The following TBXAS1 variants were observed in gnomAD, a reference collection of about 807,000 sequenced individuals.
The protein encoded by TBXAS1 is thromboxane-A synthase.
In TBXAS1, 48 loss-of-function variants were observed where a neutral mutation model predicts 60.7. The observed-to-expected ratio is 0.79, with a 90% confidence interval of 0.63 to 1.01. The LOEUF (loss-of-function observed/expected upper bound fraction) is 1.01, where lower values mean the gene tolerates loss of function less well. Among genes scored for constraint, TBXAS1 ranks in the 50% least tolerant of loss-of-function variants. The pLI, the probability that TBXAS1 is intolerant of heterozygous loss-of-function variation, is 0.00. For synonymous variants in TBXAS1, 287 were observed against 269.7 expected (o/e 1.06, Z -0.63); for missense variants, 685 against 686.3 (o/e 1.00, Z 0.02).
intron 1 of TBXAS1, among the ~76,000 whole-genome samples, chr7:139,833,874 A>G (rs1798887272): frequency 6.6e-6 from 1 of 152,232 alleles, no homozygotes; most frequent in Non-Finnish European, 1.5e-5. Context: ...AGATTTCAAT[A>G]TTCCACCGAC....
intron 9 of TBXAS1, among the ~76,000 whole-genome samples, chr7:139,982,692 C>T (rs762461781): frequency 5.3e-5 from 8 of 152,178 alleles, no homozygotes; most frequent in Non-Finnish European, 1.2e-4. Context: ...CCACTCTTAA[C>T]CCCCTAAATT....
chr7:139,952,696 A>T (rs1569518566), intron 5 of TBXAS1: 1 of 1,513,498 alleles, frequency 6.6e-7, no homozygotes, highest in East Asian at 2.5e-5. Flanking sequence ...TGTGTAAGTT[A>T]GGAATTTTCT....
chr7:139,886,427 A>G (rs1803116739), intron 3 of TBXAS1, among the ~76,000 whole-genome samples: 1 of 138,346 alleles, frequency 7.2e-6, no homozygotes, highest in Non-Finnish European at 1.5e-5. Flanking sequence ...CGGCTTAAAG[A>G]GGAACCTATT....
chr7:139,978,160 T>C (rs1811693698), intron 9 of TBXAS1, among the ~76,000 whole-genome samples: 1 of 152,174 alleles, frequency 6.6e-6, no homozygotes, highest in Admixed American at 6.5e-5. Flanking sequence ...TCTCAAGCAG[T>C]GATCCTGTGG....
chr7:139,930,669 T>C (rs1225897975), intron 4 of TBXAS1, among the ~76,000 whole-genome samples: 1 of 152,022 alleles, frequency 6.6e-6, no homozygotes, highest in Non-Finnish European at 1.5e-5. Flanking sequence ...TCAGGCTTTG[T>C]GTTCAGAAAG....
chr7:139,865,577 GGAA>G (rs1247028432), intron 1 of TBXAS1, among the ~76,000 whole-genome samples: 7 of 121,418 alleles, frequency 5.8e-5, no homozygotes, highest in Non-Finnish European at 8.9e-5. Flanking sequence ...GGGGGAGGGA[GGAA>G]GAAGAAGGAG....
chr7:139,924,393 C>T (rs1019169335), intron 4 of TBXAS1, among the ~76,000 whole-genome samples: 1 of 151,958 alleles, frequency 6.6e-6, no homozygotes, highest in African/African-American at 2.4e-5. Flanking sequence ...TTGCATTTCT[C>T]TGATGACCAG....
chr7:139,847,911 T>A (rs1164350294), intron 1 of TBXAS1, among the ~76,000 whole-genome samples: 4 of 152,216 alleles, frequency 2.6e-5, no homozygotes, highest in Non-Finnish European at 2.9e-5. Context: ...AGCCTCAAAC[T>A]TCTGACCTCA....
intron 9 of TBXAS1, among the ~76,000 whole-genome samples, chr7:139,964,610 T>C (rs1449191392): frequency 6.6e-6 from 1 of 152,176 alleles, no homozygotes; most frequent in East Asian, 1.9e-4. Context: ...ATTAAGGGCT[T>C]TGAAGCATCT....
intron 1 of TBXAS1, among the ~76,000 whole-genome samples, chr7:139,840,993 T>G (rs1799400438): frequency 6.6e-6 from 1 of 151,434 alleles, no homozygotes. Flanking sequence ...CATGGGTCAG[T>G]CTGTGCTGCC....
intron 3 of TBXAS1, among the ~76,000 whole-genome samples, chr7:139,895,535 AG>A (rs1229691311): frequency 6.6e-6 from 1 of 152,238 alleles, no homozygotes; most frequent in African/African-American, 2.4e-5. Context: ...TTTACCAGGA[AG>A]GGGGTGACCC....
At chr7:139,914,824 A>C (rs1805841233) in intron 4 of TBXAS1, among the ~76,000 whole-genome samples, 1 of 152,174 alleles carries the variant, frequency 6.6e-6, no homozygotes. Flanking sequence ...CTTGATTATT[A>C]GCTCTTTAAG....
chr7:139,781,783 C>T (rs1796999541), intron 2 of TBXAS1, among the ~76,000 whole-genome samples: 1 of 125,940 alleles, frequency 7.9e-6, no homozygotes. Flanking sequence ...TGCAGTGAGC[C>T]GAGTTCTAGT....
At chr7:139,839,625 G>T (rs929042519) in intron 1 of TBXAS1, among the ~76,000 whole-genome samples, 4 of 148,646 alleles carry the variant, frequency 2.7e-5, no homozygotes, top group African/African-American at 9.9e-5. Flanking sequence ...GATCACTTGA[G>T]CCCAGGAGTT....
At chr7:139,796,101 T>C (rs1168026316) in intron 4 of TBXAS1, among the ~76,000 whole-genome samples, 1 of 152,186 alleles carries the variant, frequency 6.6e-6, no homozygotes, top group African/African-American at 2.4e-5. Flanking sequence ...GAACAAACCA[T>C]ATACTTCACT....
intron 3 of TBXAS1, among the ~76,000 whole-genome samples, chr7:139,901,222 A>C (rs1188801247): frequency 1.3e-5 from 2 of 152,138 alleles, no homozygotes; most frequent in Non-Finnish European, 2.9e-5. Context: ...TACACAATTT[A>C]CATGTAAAAT....
At chr7:139,952,664 C>A in intron 5 of TBXAS1, 1 of 1,536,066 alleles carries the variant, frequency 6.5e-7, no homozygotes, top group Non-Finnish European at 8.7e-7. Flanking sequence ...ATGTGAATCT[C>A]CATTATGCCA....
intron 3 of TBXAS1, chr7:139,906,094 C>A: frequency 2.5e-6 from 1 of 398,594 alleles, no homozygotes; most frequent in Non-Finnish European, 4.9e-6. Context: ...CTCACTCTGT[C>A]TCCCAGTCTG....
chr7:140,004,442 T>C lies in TBXAS1; in HGVS notation c.1135-2649T>C, dbSNP rs1479630249. ...AAACAATGCCAGTTTTAAATGTAAA[T>C]TTCAGAGCGTTTAACTTATATGCAG... On this transcript the variant is annotated intron_variant, in intron 9 of 12. Transcript: ENST00000448866. This position sits in a 1 kb window ranked among gnomAD's most constrained non-coding sequence, Gnocchi z 5.1. Among the ~76,000 whole-genome samples the C allele has an allele frequency of 6.6e-6, 1 of 152,226 alleles. No homozygotes were observed. The highest frequency in any genetic ancestry group is 2.4e-5 in the African/African-American group (1 of 41,468).
Sources: gnomAD v4.1 joint callset for allele counts (sites outside exome capture counted in the v4.1 genomes callset) on GRCh38, gnomAD v4.1.1 for gene constraint, Gnocchi (gnomAD v3.1) non-coding constraint, MANE v1.5 for transcripts, NCBI Gene and HGNC (gene_info 2026-07-23, HGNC 2026-07-21) for gene names.